RFTN1: variants seen among roughly 807,000 people sequenced by gnomAD.
RFTN1 encodes raftlin.
A neutral mutation model predicts 46.5 loss-of-function variants in RFTN1; 26 were observed. The observed-to-expected ratio is 0.56, with a 90% CI of 0.41 to 0.78. The LOEUF (loss-of-function observed/expected upper bound fraction) is 0.78. RFTN1 is among the 30% of genes least tolerant of loss of function. RFTN1 has a pLI of 0.00. For synonymous variants in RFTN1, 261 were observed against 284.2 expected (o/e 0.92, Z 0.82); for missense variants, 693 against 718.7 (o/e 0.96, Z 0.41).
Position 16,317,973 on chromosome 3 carries a change from AC to A in RFTN1, c.1333-742del, listed in dbSNP as rs1373918498. ...TCTCCCTCTGCCCGCTACTGTACCG[AC>A]AAGTGTTCTAAGGTAACTCCCTCTA... On this transcript the variant is annotated intron_variant, in intron 9 of 9. Coordinates refer to ENST00000334133, the MANE Select transcript of RFTN1 (RefSeq NM_015150.2). This position sits in a 1 kb window ranked among gnomAD's most constrained non-coding sequence, Gnocchi z 4.3. 6.6e-6 allele frequency among the ~76,000 whole-genome samples: 1 copy of A among 152,188 alleles called. No individual in the cohort carries two copies. Among genetic ancestry groups the A allele is most frequent in the Non-Finnish European group, 1.5e-5 (1 of 68,030 alleles).
chr3:16,364,899 G>A (rs760559069), intron 6 of RFTN1, among the ~76,000 whole-genome samples: 1 of 152,204 alleles, frequency 6.6e-6, no homozygotes, highest in Non-Finnish European at 1.5e-5. Context: ...GGCACGCAGG[G>A]GCTTCTAGGG....
rs1279287267 is a variant in RFTN1 at position 16,427,618 on chromosome 3, A to G, written c.332+6233T>C. 6.6e-6 allele frequency among the ~76,000 whole-genome samples: 1 copy of G among 152,184 alleles called. No individual in the cohort carries two copies. The highest frequency in any genetic ancestry group is 2.4e-5 in the African/African-American group (1 of 41,456). ...TGGTCAATTTGGGATGAAGCAGCTC[A>G]CCGTAACTCTCAACAACCCACTGCA... On this transcript the variant is annotated intron_variant, in intron 3 of 9. Transcript: ENST00000334133. This position sits in a 1 kb window ranked among gnomAD's most constrained non-coding sequence, Gnocchi z 5.4.
Position 16,387,570 on chromosome 3 carries a change from TTCTCTCTCTC to T in RFTN1, c.442-9478_442-9469del, listed in dbSNP as rs3054539. 4.0e-3 allele frequency among the ~76,000 whole-genome samples: 463 copies of T among 116,442 alleles called. 2 individuals carry two copies. The highest frequency in any genetic ancestry group is 9.8e-3 in the South Asian group (35 of 3,572). 76.4% of individuals were successfully genotyped at this position (116,442 alleles called of 152,430 possible). A position where few individuals can be genotyped will look rare whatever the true frequency, so the allele number is the denominator to read the frequency against. On this transcript the variant is annotated intron_variant, in intron 4 of 9. Coordinates refer to ENST00000334133, the MANE Select transcript of RFTN1 (RefSeq NM_015150.2). The surrounding 1 kb of genome is among the most constrained non-coding windows in gnomAD (Gnocchi z 5.2). ...CACTTCTCTCTTCTATATCCTCAATTTCTCTCTCTCTCTCTCTCTCTCTCTCTCTCTCTCT... is the reference window on the plus strand; with the variant it reads ...CACTTCTCTCTTCTATATCCTCAATTTCTCTCTCTCTCTCTCTCTCTCTCT...
At chr3:16,323,591 C>G (rs1211953088) in intron 8 of RFTN1, 134 bp from the exon 9 acceptor site, 1 of 602,798 alleles carries the variant, frequency 1.7e-6, no homozygotes, top group Non-Finnish European at 2.9e-6. Context: ...GAGACGCCTG[C>G]TCTACTCTTC....
At chr3:16,462,734 C>T (rs1484321782) in intron 2 of RFTN1, among the ~76,000 whole-genome samples, 1 of 152,270 alleles carries the variant, frequency 6.6e-6, no homozygotes, top group African/African-American at 2.4e-5. Flanking sequence ...TTGCTTTAAA[C>T]CACCACATGT....
chr3:16,445,961 C>T (rs2075721486), intron 2 of RFTN1, among the ~76,000 whole-genome samples: 1 of 151,396 alleles, frequency 6.6e-6, no homozygotes, highest in African/African-American at 2.4e-5. Context: ...AAATAATTTC[C>T]ACTGGGCCAG....
At chr3:16,469,829 A>G (rs2076164516) in intron 2 of RFTN1, among the ~76,000 whole-genome samples, 1 of 152,202 alleles carries the variant, frequency 6.6e-6, no homozygotes, top group Non-Finnish European at 1.5e-5. Flanking sequence ...AGGACAAACA[A>G]TCACAGCAAG....
chr3:16,501,175 C>G (rs980181014), intron 1 of RFTN1, among the ~76,000 whole-genome samples: 4 of 152,206 alleles, frequency 2.6e-5, no homozygotes, highest in Non-Finnish European at 4.4e-5. Context: ...AAACACAGCA[C>G]AGCGCCAAAT....
At chr3:16,485,463 A>C (rs1274016012) in intron 2 of RFTN1, among the ~76,000 whole-genome samples, 1 of 152,254 alleles carries the variant, frequency 6.6e-6, no homozygotes, top group Non-Finnish European at 1.5e-5. Flanking sequence ...GACTCCATAC[A>C]TACAACATCA....
intron 7 of RFTN1, among the ~76,000 whole-genome samples, chr3:16,333,891 C>T (rs749500936): frequency 5.3e-5 from 8 of 152,196 alleles, no homozygotes; most frequent in African/African-American, 7.2e-5. Context: ...ACCAGCCGGG[C>T]GTGGTGGCTC....
rs2071004355 is a variant in RFTN1 at position 16,337,761 on chromosome 3, A to G, written c.1147-10885T>C. On this transcript the variant is annotated intron_variant, in intron 7 of 9. Transcript: ENST00000334133. The surrounding 1 kb of genome is among the most constrained non-coding windows in gnomAD (Gnocchi z 5.0). ...ATCTCAAAAAAAAAAAAAAAAAGAA[A>G]AGAAAGTCACCTCATTTGATTTGAG... 6.6e-6 allele frequency among the ~76,000 whole-genome samples: 1 copy of G among 151,496 alleles called. No individual in the cohort carries two copies.
rs772165021 is a variant in RFTN1, at chr3:16,427,526, G to A, written c.332+6325C>T. 2.0e-5 allele frequency among the ~76,000 whole-genome samples: 3 copies of A among 152,210 alleles called. No individual in the cohort carries two copies. Among genetic ancestry groups the A allele is most frequent in the Non-Finnish European group, 4.4e-5 (3 of 68,030 alleles). On this transcript the variant is annotated intron_variant, in intron 3 of 9. Coordinates refer to ENST00000334133, the MANE Select transcript of RFTN1 (RefSeq NM_015150.2). The surrounding 1 kb of genome is among the most constrained non-coding windows in gnomAD (Gnocchi z 5.4). ...ACTCATTCAGTCATCTGTGTTGCTCGTAAGCACTTGGGAGTACAGCTTGCT... is the reference window on the plus strand; with the variant it reads ...ACTCATTCAGTCATCTGTGTTGCTCATAAGCACTTGGGAGTACAGCTTGCT...
rs3054539 is a variant in RFTN1, at chr3:16,387,570, TTC to T, written c.442-9470_442-9469del. 0.026 allele frequency among the ~76,000 whole-genome samples: 3,026 copies of T among 116,422 alleles called. 85 individuals carry two copies. The highest frequency in any genetic ancestry group is 0.06 in the African/African-American group (1,541 of 25,580). The allele number at this position is 116,422 out of a possible 152,430, so 76.4% of individuals were successfully genotyped here. A position where few individuals can be genotyped will look rare whatever the true frequency, so the allele number is the denominator to read the frequency against. On this transcript the variant is annotated intron_variant, in intron 4 of 9. Coordinates refer to ENST00000334133, the MANE Select transcript of RFTN1 (RefSeq NM_015150.2). The surrounding 1 kb of genome is among the most constrained non-coding windows in gnomAD (Gnocchi z 5.2). ...CACTTCTCTCTTCTATATCCTCAATTTCTCTCTCTCTCTCTCTCTCTCTCTCT... is the reference window on the plus strand; with the variant it reads ...CACTTCTCTCTTCTATATCCTCAATTTCTCTCTCTCTCTCTCTCTCTCTCT...
rs1398965886 is a variant in RFTN1 at position 16,380,537 on chromosome 3, T to C, written c.442-2435A>G. On this transcript the variant is annotated intron_variant, in intron 4 of 9. Coordinates refer to ENST00000334133, the MANE Select transcript of RFTN1 (RefSeq NM_015150.2). This position sits in a 1 kb window ranked among gnomAD's most constrained non-coding sequence, Gnocchi z 4.8. Reference sequence around the variant, plus strand: ...ACCAGACAACCATATTCCTTTGCCATCTTGTACTGCAAATTTATCCTCTAG... The same window carrying C: ...ACCAGACAACCATATTCCTTTGCCACCTTGTACTGCAAATTTATCCTCTAG... 6.6e-6 allele frequency among the ~76,000 whole-genome samples: 1 copy of C among 152,158 alleles called. No individual in the cohort carries two copies. Among genetic ancestry groups the C allele is most frequent in the East Asian group, 1.9e-4 (1 of 5,192 alleles).
In RFTN1 at chr3:16,316,207, G is replaced by A. The variant is rs1170662927; in HGVS notation, c.*621C>T. ...TTCCTTGAACATTCTGCAAAAGTAGGTGCAGAGACAGAATTACTTCTTCAT... is the reference window on the plus strand; with the variant it reads ...TTCCTTGAACATTCTGCAAAAGTAGATGCAGAGACAGAATTACTTCTTCAT... On this transcript the variant is annotated 3_prime_UTR_variant, in exon 10 of 10. Coordinates refer to ENST00000334133, the MANE Select transcript of RFTN1 (RefSeq NM_015150.2). This position sits in a 1 kb window ranked among gnomAD's most constrained non-coding sequence, Gnocchi z 4.5. 2 of 154,074 alleles carry A rather than the reference G, an allele frequency of 1.3e-5. No individual in the cohort carries two copies. Among genetic ancestry groups the A allele is most frequent in the Admixed American group, 6.5e-5 (1 of 15,310 alleles). The allele number at this position is 154,074 out of a possible 1,614,324, so 9.5% of individuals were successfully genotyped here.
Position 16,326,413 on chromosome 3 carries a change from CTG to C in RFTN1, c.1250+358_1250+359del, listed in dbSNP as rs767688797. Reference sequence around the variant, plus strand: ...AGTATTTTTCTTTTCTTTTTGAGGACTGAGATTTTTATATATAAAGTGCCTAC... The same window carrying C: ...AGTATTTTTCTTTTCTTTTTGAGGACAGATTTTTATATATAAAGTGCCTAC... On this transcript the variant is annotated intron_variant, in intron 8 of 9. Coordinates refer to ENST00000334133, the MANE Select transcript of RFTN1 (RefSeq NM_015150.2). 7.9e-5 allele frequency among the ~76,000 whole-genome samples: 12 copies of C among 152,270 alleles called. 2 individuals carry two copies. Among genetic ancestry groups the C allele is most frequent in the East Asian group, 1.9e-4 (1 of 5,182 alleles).
Position 16,357,956 on chromosome 3 carries a change from C to G in RFTN1, c.1122G>C (p.Val374=). 1.2e-6 allele frequency: 2 copies of G among 1,610,248 alleles called. No individual in the cohort carries two copies. Among genetic ancestry groups the G allele is most frequent in the Non-Finnish European group, 1.7e-6 (2 of 1,177,456 alleles). Residue 374 remains valine (V), a synonymous_variant, in exon 7 of 10, where the codon GTG becomes GTC. Transcript: ENST00000334133. ...CTTCCAGGACTGTCCATTGTTCAACCACAATAGCATCATAGCCCTGTATGG... is the reference window on the plus strand; with the variant it reads ...CTTCCAGGACTGTCCATTGTTCAACGACAATAGCATCATAGCCCTGTATGG... The part of the protein sequence containing the change: ...SKTIQGYDAI[V]VEQWTVLEGV...
chr3:16,396,956 G>C (rs529176903), intron 4 of RFTN1, among the ~76,000 whole-genome samples: 6 of 151,456 alleles, frequency 4.0e-5, no homozygotes, highest in Non-Finnish European at 8.8e-5. Flanking sequence ...CCAGCTACTC[G>C]GGAGGCTGAG....
chr3:16,436,611 C>T (rs2075521284), intron 2 of RFTN1, among the ~76,000 whole-genome samples: 1 of 152,070 alleles, frequency 6.6e-6, no homozygotes, highest in Admixed American at 6.5e-5. Flanking sequence ...GCATATAAAT[C>T]TTTTATCGAT....
Sources: gnomAD v4.1 joint callset for allele counts (sites outside exome capture counted in the v4.1 genomes callset) on GRCh38, gnomAD v4.1.1 for gene constraint, Gnocchi (gnomAD v3.1) non-coding constraint, MANE v1.5 for transcripts, NCBI Gene and HGNC (gene_info 2026-07-23, HGNC 2026-07-21) for gene names.